The following FLNB variants were observed in gnomAD, a reference collection of about 807,000 sequenced individuals.
The protein encoded by FLNB is filamin B, also known as filamin-B.
In FLNB, 111 loss-of-function variants were observed where a neutral mutation model predicts 250.6. The observed-to-expected ratio is 0.44, with a 90% confidence interval of 0.38 to 0.52. The LOEUF (loss-of-function observed/expected upper bound fraction) is 0.52, where lower values mean the gene tolerates loss of function less well. FLNB is among the 20% of genes least tolerant of loss of function. The pLI, the probability that FLNB is intolerant of heterozygous loss-of-function variation, is 0.00. For missense variants in FLNB, 2,869 were observed against 3,447.8 expected, an observed-to-expected ratio of 0.83 and a Z score of 4.20; for synonymous variants, 1,302 against 1,372.1, an observed-to-expected ratio of 0.95 and a Z score of 1.13.
chr3:58,060,769 CAAAAAAAAAAAAAAAAAAA>C (rs71091334), intron 1 of FLNB, among the ~76,000 whole-genome samples: 1 of 64,210 alleles, frequency 1.6e-5, no homozygotes, highest in Non-Finnish European at 2.8e-5. Context: ...GACCTTGTCT[CAAAAAAAAAAAAAAAAAAA>C]AAAAAAAAAA....
chr3:58,167,682 A>G (rs2097373109), intron 43 of FLNB, among the ~76,000 whole-genome samples: 1 of 152,238 alleles, frequency 6.6e-6, no homozygotes. Context: ...GCCTGGCACC[A>G]GAGCCATGCA....
At chr3:58,009,894 T>C (rs575635122) in intron 1 of FLNB, among the ~76,000 whole-genome samples, 2 of 152,242 alleles carry the variant, frequency 1.3e-5, no homozygotes, top group East Asian at 1.9e-4. Context: ...TGGTCTGAGA[T>C]AGTTGGAGGC....
chr3:58,156,277 A>C (rs937380527), intron 41 of FLNB, among the ~76,000 whole-genome samples: 2 of 152,260 alleles, frequency 1.3e-5, no homozygotes, highest in African/African-American at 4.8e-5. Context: ...TGGGGCGAGC[A>C]AAAACAGAGC....
intron 26 of FLNB, 128 bp downstream of exon 26, chr3:58,133,059 C>T: frequency 9.5e-7 from 1 of 1,049,528 alleles, no homozygotes; most frequent in Non-Finnish European, 1.4e-6. Context: ...ATTCCTCCAT[C>T]AGTCCATCCA....
intron 1 of FLNB, among the ~76,000 whole-genome samples, chr3:58,024,816 C>T (rs1170092179): frequency 1.3e-5 from 2 of 149,110 alleles, no homozygotes; most frequent in Admixed American, 6.8e-5. Flanking sequence ...CAGGTTCAAG[C>T]GATTCTCCTG....
At chr3:58,018,577 G>A (rs1015459995) in intron 1 of FLNB, among the ~76,000 whole-genome samples, 22 of 151,710 alleles carry the variant, frequency 1.5e-4, no homozygotes, top group African/African-American at 7.3e-5. Context: ...GTACAGTGGC[G>A]CGATCTTGGC....
rs774862180 is a variant in FLNB at position 58,138,479 on chromosome 3, T to C, written c.5059T>C (p.Tyr1687His). Residue 1687 changes from tyrosine (Y) to histidine (H), a missense_variant, in exon 29 of 46, where the codon TAT (tyrosine) becomes CAT (histidine). Transcript: ENST00000295956. ...TAAKPGTYVI[Y>H]VRFGGVDIPN... ...TGCCAAGCCGGGCACATATGTGATC[T>C]ATGTGCGCTTCGGTGGTGTTGATAT... is the stretch of plus-strand genomic sequence containing the variant. 30 of 1,614,128 alleles carry C rather than the reference T, an allele frequency of 1.9e-5. No homozygotes were observed. The highest frequency in any genetic ancestry group is 5.0e-5 in the Admixed American group (3 of 60,012).
intron 31 of FLNB, 148 bp from the exon 32 acceptor site, chr3:58,143,325 T>C: frequency 1.3e-6 from 1 of 792,796 alleles, no homozygotes; most frequent in Non-Finnish European, 2.1e-6. Context: ...AAATGGTCTC[T>C]CCCATTGTGG....
chr3:58,163,002 G>A lies in FLNB; in HGVS notation c.7022-152G>A, dbSNP rs993432802. The A allele has an allele frequency of 3.2e-5, 24 of 760,030 alleles. No homozygotes were observed. In the African/African-American group the frequency reaches 4.1e-4, roughly 13 times the overall value. The allele number at this position is 760,030 out of a possible 1,614,324, so 47.1% of individuals were successfully genotyped here. A position where few individuals can be genotyped will look rare whatever the true frequency, so the allele number is the denominator to read the frequency against. On this transcript the variant is annotated intron_variant, in intron 42 of 45. Transcript: ENST00000295956. ...GAGGGATACCCAGGGGGTCTGTCTG[G>A]TTCTGAAATCCAGGATGCTGAGTGC...
intron 4 of FLNB, among the ~76,000 whole-genome samples, chr3:58,082,187 G>T (rs140313264): frequency 9.9e-5 from 15 of 152,242 alleles, no homozygotes; most frequent in Non-Finnish European, 1.5e-4. Flanking sequence ...GCCGGAGTGG[G>T]AGCTATTGTT....
rs1170911108 is a variant in FLNB, at chr3:58,169,794, G to A, written c.7621+1G>A. Reference sequence around the variant, plus strand: ...TTCCTGGTGGACTGCAGCAAAGCTGGTAGGTGTCTGGGCCTTTTCAAGGGT... The same window carrying A: ...TTCCTGGTGGACTGCAGCAAAGCTGATAGGTGTCTGGGCCTTTTCAAGGGT... On this transcript the variant is annotated splice_donor_variant, in intron 45 of 45. Transcript: ENST00000295956. LOFTEE classifies it high-confidence loss of function. The surrounding 1 kb of genome is among the most constrained non-coding windows in gnomAD (Gnocchi z 4.8). 1 of 1,161,972 alleles carries A rather than the reference G, an allele frequency of 8.6e-7. No individual in the cohort carries two copies. The highest frequency in any genetic ancestry group is 3.8e-5 in the East Asian group (1 of 26,446). 72.0% of individuals were successfully genotyped at this position (1,161,972 alleles called of 1,614,324 possible).
chr3:58,099,664 C>A (rs767001183), intron 8 of FLNB, among the ~76,000 whole-genome samples: 8 of 152,160 alleles, frequency 5.3e-5, no homozygotes, highest in Non-Finnish European at 1.2e-4. Flanking sequence ...CGAATCCTAC[C>A]TCTGGGCCAG....
At chr3:58,023,675 G>A (rs900191158) in intron 1 of FLNB, among the ~76,000 whole-genome samples, 5 of 152,182 alleles carry the variant, frequency 3.3e-5, no homozygotes, top group Admixed American at 2.0e-4. Context: ...CTTCAATTGA[G>A]TTATTGCTGA....
intron 1 of FLNB, among the ~76,000 whole-genome samples, chr3:58,053,986 G>A (rs839227): frequency 0.77 from 116,997 of 152,054 alleles, 45,370 homozygotes; most frequent in East Asian, 0.94. Context: ...TAGAAGGCCC[G>A]TGGCAGGGTG....
chr3:58,168,450 G>A lies in FLNB; in HGVS notation c.7209G>A (p.Ser2403=), dbSNP rs13079906. 165,037 of 1,612,022 alleles carry A rather than the reference G, an allele frequency of 0.1. 9,323 individuals carry two copies. The highest frequency in any genetic ancestry group is 0.11 in the Non-Finnish European group (132,238 of 1,178,064). The change falls in exon 44 of 46, where the codon TCG becomes TCA. Residue 2403 remains serine, a synonymous_variant. Transcript: ENST00000295956. ...ATTCCTTTCTCCCAGGTATCCAGTC[G>A]GAATTCTTTATTAACACCACCCGAG... ...GLEGGTTGIQ[S]EFFINTTRAG...
At chr3:58,113,635 T>G (rs2097272791) in intron 18 of FLNB, among the ~76,000 whole-genome samples, 1 of 152,218 alleles carries the variant, frequency 6.6e-6, no homozygotes, top group African/African-American at 2.4e-5. Flanking sequence ...GCCCCTTACA[T>G]CCAGGCTTGC....
intron 1 of FLNB, among the ~76,000 whole-genome samples, chr3:58,050,652 A>C (rs2097160924): frequency 6.6e-6 from 1 of 152,192 alleles, no homozygotes; most frequent in African/African-American, 2.4e-5. Context: ...GATGGGAGGC[A>C]CTGAGCTTGA....
At chr3:58,024,010 C>T (rs2097118833) in intron 1 of FLNB, among the ~76,000 whole-genome samples, 1 of 152,186 alleles carries the variant, frequency 6.6e-6, no homozygotes, top group African/African-American at 2.4e-5. Context: ...TTGGTTCACC[C>T]TTGACTGCCT....
chr3:58,093,418 G>C (rs1331154886), intron 4 of FLNB, among the ~76,000 whole-genome samples: 2 of 152,132 alleles, frequency 1.3e-5, no homozygotes, highest in African/African-American at 2.4e-5. Flanking sequence ...TTCCCTGTAG[G>C]ATGGGGAGTG....
Sources: gnomAD v4.1 joint callset for allele counts (sites outside exome capture counted in the v4.1 genomes callset) on GRCh38, gnomAD v4.1.1 for gene constraint, Gnocchi (gnomAD v3.1) non-coding constraint, MANE v1.5 for transcripts, NCBI Gene and HGNC (gene_info 2026-07-23, HGNC 2026-07-21) for gene names.